PTPRZ1: variants seen among roughly 807,000 people sequenced by gnomAD.
PTPRZ1 encodes protein tyrosine phosphatase receptor type Z1, also known as receptor-type tyrosine-protein phosphatase zeta.
PTPRZ1 carries 82 observed loss-of-function variants against 214.1 expected under a neutral mutation model. That is an observed-to-expected ratio of 0.38 (90% CI 0.32 to 0.46). The LOEUF (loss-of-function observed/expected upper bound fraction) is 0.46. Ranked by LOEUF, PTPRZ1 falls within the 20% of genes least tolerant of loss-of-function variation. The pLI, the probability that PTPRZ1 is intolerant of heterozygous loss-of-function variation, is 1.00. For synonymous variants in PTPRZ1, 945 were observed against 987.9 expected (o/e 0.96, Z 0.81); for missense variants, 2,603 against 2,748.7 (o/e 0.95, Z 1.19).
intron 18 of PTPRZ1, 98 bp downstream of exon 18, chr7:122,036,780 C>A: frequency 1.4e-6 from 1 of 725,168 alleles, no homozygotes; most frequent in South Asian, 2.2e-5. Flanking sequence ...TGCTTAATGT[C>A]ATGTTATTCG....
In PTPRZ1 at chr7:122,040,945, C is replaced by A. The variant is rs142748552; in HGVS notation, c.5767C>A (p.Arg1923Ser). 1.9e-6 allele frequency: 3 copies of A among 1,589,558 alleles called. No homozygotes were observed. Among genetic ancestry groups the A allele is most frequent in the Non-Finnish European group, 2.6e-6 (3 of 1,162,484 alleles). ...TFVRKAAYAKRHAVGPVVVHC... is the reference protein window; with the variant it reads ...TFVRKAAYAKSHAVGPVVVHC... ...TGTGAGAAAGGCAGCCTATGCCAAG[C>A]GCCATGCAGTGGGGCCTGTTGTCGT... Residue 1923 changes from arginine to serine, a missense_variant, in exon 21 of 30, where the codon CGC becomes AGC. By Grantham distance (110) the Arg-to-Ser change is moderately radical. Around this residue, in one of 6 missense-constraint regions of PTPRZ1, gnomAD observed 1,913 missense variants for 1,914.3 expected, o/e 1.00. Coordinates refer to ENST00000393386, the MANE Select transcript of PTPRZ1 (RefSeq NM_002851.3).
intron 2 of PTPRZ1, among the ~76,000 whole-genome samples, chr7:121,929,975 T>A (rs1457321369): frequency 6.6e-6 from 1 of 152,050 alleles, no homozygotes; most frequent in African/African-American, 2.4e-5. Flanking sequence ...TTGAAAATCT[T>A]TATGAATTCA....
intron 13 of PTPRZ1, among the ~76,000 whole-genome samples, chr7:122,027,585 T>C (rs913201845): frequency 6.6e-6 from 1 of 152,186 alleles, no homozygotes; most frequent in Admixed American, 6.5e-5. Flanking sequence ...AATTCAAGTG[T>C]TTCAATTTAA....
At chr7:121,967,865 T>G in intron 2 of PTPRZ1, 86 bp from the exon 3 acceptor site, 1 of 924,968 alleles carries the variant, frequency 1.1e-6, no homozygotes. Flanking sequence ...GCATCTATTT[T>G]TATGTAATGT....
At chr7:121,977,556 T>G (rs1387264354) in intron 6 of PTPRZ1, among the ~76,000 whole-genome samples, 1 of 152,204 alleles carries the variant, frequency 6.6e-6, no homozygotes, top group Non-Finnish European at 1.5e-5. Flanking sequence ...AGCTGCAAAA[T>G]TTGAAATCAG....
In PTPRZ1 at chr7:122,011,232, C is replaced by A. The variant is rs1456634061; in HGVS notation, c.2186C>A (p.Thr729Asn). 1.2e-6 allele frequency: 2 copies of A among 1,613,916 alleles called. No individual in the cohort carries two copies. The highest frequency in any genetic ancestry group is 1.7e-6 in the Non-Finnish European group (2 of 1,179,984). The stretch of plus-strand genomic sequence containing the variant: ...ACTGAGGTAACACCTCATGCTTTTA[C>A]CCCATCCTCCAGACAACAGGATTTG... ...FPTEVTPHAF[T>N]PSSRQQDLVS... The change falls in exon 12 of 30, where the codon ACC becomes AAC. Residue 729 changes from threonine (T) to asparagine (N), a missense_variant. Around this residue, in one of 6 missense-constraint regions of PTPRZ1, gnomAD observed 1,913 missense variants for 1,914.3 expected, o/e 1.00. Transcript: ENST00000393386.
At chr7:121,896,259 G>A (rs1046443967) in intron 1 of PTPRZ1, among the ~76,000 whole-genome samples, 4 of 152,110 alleles carry the variant, frequency 2.6e-5, no homozygotes, top group South Asian at 2.1e-4. Flanking sequence ...TTATATGCAC[G>A]TTGTACAGGA....
intron 1 of PTPRZ1, among the ~76,000 whole-genome samples, chr7:121,904,017 C>T (rs545704497): frequency 1.4e-5 from 2 of 142,316 alleles, no homozygotes; most frequent in East Asian, 2.2e-4. Flanking sequence ...GGTGTTTAGA[C>T]GATAATAAAA....
At chr7:121,928,516 G>C (rs972165850) in intron 2 of PTPRZ1, among the ~76,000 whole-genome samples, 2 of 151,874 alleles carry the variant, frequency 1.3e-5, no homozygotes, top group Non-Finnish European at 2.9e-5. Context: ...TTTTTTCAAC[G>C]GTGAAATGGG....
chr7:122,051,781 GA>G, intron 24 of PTPRZ1, 84 bp from the exon 25 acceptor site: 1 of 1,254,894 alleles, frequency 8.0e-7, no homozygotes, highest in Non-Finnish European at 1.1e-6. Context: ...CTGGCATGGG[GA>G]AAAGATGGTA....
rs1260022141 is a variant in PTPRZ1, at chr7:122,010,791, G to C, written c.1745G>C (p.Gly582Ala). ...TTGACCAGTTTCAAGCTTGATACTG[G>C]AGCTGAAGATTCTTCAGGCTCCAGT... ...SLLTSFKLDT[G>A]AEDSSGSSPA... The change falls in exon 12 of 30, where the codon GGA becomes GCA. Residue 582 changes from glycine (G) to alanine (A), a missense_variant. Transcript: ENST00000393386. 6.2e-7 allele frequency: 1 copy of C among 1,613,762 alleles called. No individual in the cohort carries two copies. Among genetic ancestry groups the C allele is most frequent in the Non-Finnish European group, 8.5e-7 (1 of 1,179,926 alleles).
At chr7:122,034,587 T>A (rs1047502204) in intron 17 of PTPRZ1, among the ~76,000 whole-genome samples, 9 of 152,322 alleles carry the variant, frequency 5.9e-5, no homozygotes, top group Admixed American at 2.0e-4. Context: ...CTGTTTTATT[T>A]AAACAAAACA....
chr7:121,894,781 G>A (rs987264991), intron 1 of PTPRZ1, among the ~76,000 whole-genome samples: 5 of 152,184 alleles, frequency 3.3e-5, no homozygotes, highest in Admixed American at 1.3e-4. Context: ...TTAAGGATAT[G>A]TAGTTTGGAT....
chr7:121,942,277 C>G (rs755905792), intron 2 of PTPRZ1, among the ~76,000 whole-genome samples: 1 of 152,188 alleles, frequency 6.6e-6, no homozygotes, highest in Non-Finnish European at 1.5e-5. Flanking sequence ...AAAGGATTCC[C>G]CATTTCAATT....
At chr7:121,934,487 C>CAAA (rs529475632) in intron 2 of PTPRZ1, among the ~76,000 whole-genome samples, 102 of 76,992 alleles carry the variant, frequency 1.3e-3, no homozygotes, top group African/African-American at 3.6e-3. Context: ...GACTCCGTCT[C>CAAA]AAAAAAAAAA....
intron 14 of PTPRZ1, among the ~76,000 whole-genome samples, chr7:122,030,747 A>G (rs961866134): frequency 6.6e-6 from 1 of 152,020 alleles, no homozygotes; most frequent in Non-Finnish European, 1.5e-5. Context: ...CATACTGTGA[A>G]CTAGTAATAT....
rs1006586410 is a variant in PTPRZ1, at chr7:121,888,567, G to A, written c.58+15010G>A. ...CTGTCAGAATTAGAATTAGGATAAT[G>A]GATCCACCAAAATATGTGATTGCTT... On this transcript the variant is annotated intron_variant, in intron 1 of 29. Coordinates refer to ENST00000393386, the MANE Select transcript of PTPRZ1 (RefSeq NM_002851.3). Among the ~76,000 whole-genome samples the A allele has an allele frequency of 2.6e-5, 4 of 152,000 alleles. No individual in the cohort carries two copies. The East Asian group carries it at 5.8e-4, about 22-fold the overall frequency.
rs542033775 is a variant in PTPRZ1, at chr7:121,960,900, A to G, written c.125-7051A>G. Among the ~76,000 whole-genome samples, 11 of 151,916 alleles carry G rather than the reference A, an allele frequency of 7.2e-5. No homozygotes were observed. In the South Asian group the frequency reaches 2.1e-3, roughly 29 times the overall value. ...CTAATTGGTCAAATATGTATAGCAC[A>G]TGAACATTAAAGGGTGCTAACTACG... On this transcript the variant is annotated intron_variant, in intron 2 of 29. Coordinates refer to ENST00000393386, the MANE Select transcript of PTPRZ1 (RefSeq NM_002851.3).
chr7:122,009,170 G>A (rs563108443), intron 11 of PTPRZ1, among the ~76,000 whole-genome samples: 3 of 152,066 alleles, frequency 2.0e-5, no homozygotes, highest in South Asian at 4.2e-4. Context: ...AGATACTCAC[G>A]ACCAGCCAAA....
Sources: allele counts gnomAD v4.1 joint callset (sites outside exome capture counted in the v4.1 genomes callset), GRCh38; gene constraint gnomAD v4.1.1; regional missense constraint gnomAD v4.1.1; transcripts MANE v1.5; gene names NCBI Gene and HGNC (gene_info 2026-07-23, HGNC 2026-07-21).